Variants in WDFY4 observed in about 807,000 individuals in gnomAD.
WDFY4 encodes the protein WDFY family member 4, also known as WD repeat- and FYVE domain-containing protein 4.
WDFY4 carries 169 observed loss-of-function variants against 351.9 expected under a neutral mutation model. The ratio of observed to expected loss-of-function variants is 0.48; its 90% CI spans 0.42 to 0.55. The LOEUF (loss-of-function observed/expected upper bound fraction) is 0.55. WDFY4 is among the 20% of genes least tolerant of loss of function. WDFY4 has a pLI of 0.00. For synonymous variants in WDFY4, 1,622 were observed against 1,574.6 expected, an observed-to-expected ratio of 1.03 and a Z score of -0.71; for missense variants, 3,803 against 3,935.6, an observed-to-expected ratio of 0.97 and a Z score of 0.90.
chr10:48,891,663 C>G (rs1290060639), intron 44 of WDFY4, among the ~76,000 whole-genome samples: 1 of 152,200 alleles, frequency 6.6e-6, no homozygotes, highest in African/African-American at 2.4e-5. Flanking sequence ...ATGCCTGGGT[C>G]CTGCCCCACC....
chr10:48,896,217 C>T (rs915962206), intron 44 of WDFY4, among the ~76,000 whole-genome samples: 2 of 152,226 alleles, frequency 1.3e-5, no homozygotes, highest in African/African-American at 2.4e-5. Context: ...AGACATGCCG[C>T]CAAGGGGCAA....
At chr10:48,790,078 G>A in intron 22 of WDFY4, 93 bp downstream of exon 22, 1 of 1,273,938 alleles carries the variant, frequency 7.8e-7, no homozygotes, top group Non-Finnish European at 1.1e-6. Flanking sequence ...TGGTGGACAG[G>A]ATGGAGTGTG....
rs556310994 is a variant in WDFY4 at position 48,770,928 on chromosome 10, T to C, written c.2554-3530T>C. Among the ~76,000 whole-genome samples the C allele has an allele frequency of 8.1e-4, 123 of 152,354 alleles. 1 individual carries two copies. Among genetic ancestry groups the C allele is most frequent in the Admixed American group, 3.9e-3 (60 of 15,312 alleles). ...GCTGGCAAATGGTCACATTTCAGAA[T>C]GGCAAAATGCAGCCTGGGAAGGATG... On this transcript the variant is annotated intron_variant, in intron 13 of 61. Coordinates refer to ENST00000325239, the MANE Select transcript of WDFY4 (RefSeq NM_001394531.1).
At position 48,777,123 on chromosome 10, in the gene WDFY4, C is replaced by A. The variant is rs572198494; in HGVS notation, c.3098+139C>A. On this transcript the variant is annotated intron_variant, in intron 16 of 61. Coordinates refer to ENST00000325239, the MANE Select transcript of WDFY4 (RefSeq NM_001394531.1). ...GAGGAAAATGTCTGGGTCATGGACA[C>A]CCGCCTACTCAGCGGCCTCCCAGGG... 3.3e-5 allele frequency: 37 copies of A among 1,127,370 alleles called. No individual in the cohort carries two copies. In the East Asian group the frequency reaches 8.0e-4, roughly 24 times the overall value. The allele number at this position is 1,127,370 out of a possible 1,614,324, so 69.8% of individuals were successfully genotyped here.
In WDFY4 at chr10:48,733,936, A is replaced by C. The variant is rs981536644; in HGVS notation, c.1588A>C (p.Lys530Gln). The C allele has an allele frequency of 1.3e-6, 2 of 1,551,560 alleles. No homozygotes were observed. The highest frequency in any genetic ancestry group is 1.7e-6 in the Non-Finnish European group (2 of 1,146,968). ...QAKIMRKSGN[K>Q]VSTPGVQDPE... ...TTTCTTCTTCAATATGGCAGGAAAC[A>C]AAGTGTCCACTCCTGGTGTTCAGGA... is the stretch of plus-strand genomic sequence containing the variant. Residue 530 changes from lysine (K) to glutamine (Q), a missense_variant, in exon 10 of 62, where the codon AAA (lysine) becomes CAA (glutamine). By Grantham distance (53) the Lys-to-Gln change is moderately conservative (BLOSUM62 1). Coordinates refer to ENST00000325239, the MANE Select transcript of WDFY4 (RefSeq NM_001394531.1).
chr10:48,926,436 T>G (rs1839576717), intron 47 of WDFY4, among the ~76,000 whole-genome samples: 1 of 152,188 alleles, frequency 6.6e-6, no homozygotes, highest in Admixed American at 6.5e-5. Context: ...TGAAGGATGG[T>G]GTGCACTCTG....
chr10:48,696,199 C>T (rs1026485195), intron 1 of WDFY4, among the ~76,000 whole-genome samples: 9 of 152,202 alleles, frequency 5.9e-5, no homozygotes, highest in African/African-American at 9.6e-5. Flanking sequence ...TGGGGACACT[C>T]GCTGACTGGT....
chr10:48,943,361 T>C lies in WDFY4; in HGVS notation c.7661T>C (p.Met2554Thr). 2.6e-6 allele frequency: 4 copies of C among 1,551,776 alleles called. No homozygotes were observed. The highest frequency in any genetic ancestry group is 2.6e-6 in the Non-Finnish European group (3 of 1,146,994). ...GACATCAGCAATTTTGAGTATCTCA[T>C]GTACCTCAACACCGCGGCTGGGAGA... ...KRDISNFEYL[M>T]YLNTAAGRTC... The change falls in exon 49 of 62, where the codon ATG (methionine) becomes ACG (threonine). Residue 2554 changes from methionine (M) to threonine (T), a missense_variant. By Grantham distance (81) the Met-to-Thr change is moderately conservative. Transcript: ENST00000325239.
intron 12 of WDFY4, chr10:48,745,518 T>G (rs752566575): frequency 6.0e-5 from 17 of 283,512 alleles, no homozygotes; most frequent in Non-Finnish European, 1.0e-4. Context: ...TTTTTTATTT[T>G]TGGAATAAAC....
At chr10:48,790,084 G>A in intron 22 of WDFY4, 99 bp downstream of exon 22, 1 of 1,208,402 alleles carries the variant, frequency 8.3e-7, no homozygotes, top group Non-Finnish European at 1.2e-6. Context: ...ACAGGATGGA[G>A]TGTGCCAGGG....
At chr10:48,816,025 T>C (rs1162659470) in intron 31 of WDFY4, among the ~76,000 whole-genome samples, 5 of 152,230 alleles carry the variant, frequency 3.3e-5, no homozygotes, top group Non-Finnish European at 4.4e-5. Context: ...ATTGTTCCTA[T>C]GAAATTGCCT....
At chr10:48,863,853 G>T (rs2069435258) in intron 39 of WDFY4, among the ~76,000 whole-genome samples, 1 of 152,190 alleles carries the variant, frequency 6.6e-6, no homozygotes, top group African/African-American at 2.4e-5. Context: ...GCAGAAGGTG[G>T]AGAGGAACCA....
intron 35 of WDFY4, among the ~76,000 whole-genome samples, chr10:48,825,565 CATTCCCAACAGTGTAAAAGTGTTCCT>C (rs1324307246): frequency 1.3e-5 from 2 of 152,174 alleles, no homozygotes; most frequent in African/African-American, 4.8e-5. Context: ...AACAAATTTA[CATTCCCAACAGTGTAAAAGTGTTCCT>C]ATTGCTCTGC....
chr10:48,826,268 A>G (rs928195498), intron 35 of WDFY4, among the ~76,000 whole-genome samples: 1 of 152,070 alleles, frequency 6.6e-6, no homozygotes, highest in African/African-American at 2.4e-5. Flanking sequence ...ATGGTTGTAG[A>G]TGTGTGGTCT....
rs957214639 is a variant in WDFY4 at position 48,755,047 on chromosome 10, C to G, written c.2460-5300C>G. Among the ~76,000 whole-genome samples the G allele has an allele frequency of 2.0e-5, 3 of 152,172 alleles. No individual in the cohort carries two copies. The South Asian group carries it at 6.2e-4, about 31-fold the overall frequency. On this transcript the variant is annotated intron_variant, in intron 12 of 61. Coordinates refer to ENST00000325239, the MANE Select transcript of WDFY4 (RefSeq NM_001394531.1). Reference sequence around the variant, plus strand: ...CCACAATCAAGAAACAGAACAGTCTCATCACCTCAAATAGCTCCCAGATAT... The same window carrying G: ...CCACAATCAAGAAACAGAACAGTCTGATCACCTCAAATAGCTCCCAGATAT...
intron 54 of WDFY4, among the ~76,000 whole-genome samples, chr10:48,966,221 T>C (rs1392792666): frequency 6.6e-6 from 1 of 152,190 alleles, no homozygotes; most frequent in East Asian, 1.9e-4. Context: ...GAGACAGTTC[T>C]TCTGGGGACC....
intron 1 of WDFY4, among the ~76,000 whole-genome samples, chr10:48,691,575 G>T (rs1332994672): frequency 6.6e-6 from 1 of 152,236 alleles, no homozygotes; most frequent in African/African-American, 2.4e-5. Context: ...CCCTGCAGTG[G>T]CTGGCATGAT....
At chr10:48,823,531 G>C in intron 35 of WDFY4, 1 of 1,110,344 alleles carries the variant, frequency 9.0e-7, no homozygotes, top group Non-Finnish European at 1.1e-6. Context: ...TCACTTGTCT[G>C]ATGAGCAGGT....
chr10:48,823,092 G>T, intron 35 of WDFY4: 1 of 1,267,820 alleles, frequency 7.9e-7, no homozygotes. Context: ...ATCATTGAAT[G>T]TAGGTGTATG....
Sources: allele counts gnomAD v4.1 joint callset (sites outside exome capture counted in the v4.1 genomes callset), GRCh38; gene constraint gnomAD v4.1.1; transcripts MANE v1.5; gene names NCBI Gene and HGNC (gene_info 2026-07-23, HGNC 2026-07-21).